The following RFC3 variants were observed in gnomAD, a reference collection of about 807,000 sequenced individuals.
RFC3 encodes the protein A1 38 kDa subunit.
A neutral mutation model predicts 45.1 loss-of-function variants in RFC3; 41 were observed. The observed-to-expected ratio is 0.91, with a 90% CI of 0.71 to 1.18. RFC3 has a LOEUF of 1.18. RFC3 is among the 50% of genes most tolerant of loss of function. The pLI, the probability that RFC3 is intolerant of heterozygous loss-of-function variation, is 0.00. For missense variants in RFC3, 423 were observed against 428.1 expected (o/e 0.99, Z 0.10); for synonymous variants, 149 against 144.0 (o/e 1.03, Z -0.25).
downstream of RFC3, among the ~76,000 whole-genome samples, chr13:33,841,172 G>T (rs1440542430): frequency 6.6e-6 from 1 of 152,198 alleles, no homozygotes; most frequent in East Asian, 1.9e-4. Context: ...TCTAATGCCT[G>T]ATGATCTGAG....
chr13:33,932,040 A>G (rs376913513), intron 8 of RFC3, among the ~76,000 whole-genome samples: 20 of 152,210 alleles, frequency 1.3e-4, no homozygotes, highest in African/African-American at 4.6e-4. Flanking sequence ...GTGCTAGTTC[A>G]TTAATTCTAC....
At chr13:33,956,853 G>T (rs77725119) in intron 8 of RFC3, among the ~76,000 whole-genome samples, 1 of 152,174 alleles carries the variant, frequency 6.6e-6, no homozygotes, top group Non-Finnish European at 1.5e-5. Context: ...TGTTAGTTGC[G>T]AATAGGATAT....
intron 8 of RFC3, among the ~76,000 whole-genome samples, chr13:33,926,883 A>G (rs942395417): frequency 2.5e-4 from 38 of 150,948 alleles, no homozygotes; most frequent in African/African-American, 7.6e-4. Context: ...ATTAGGAAAT[A>G]ATGGCTCATT....
intron 8 of RFC3, among the ~76,000 whole-genome samples, chr13:33,880,738 G>A (rs947559639): frequency 1.3e-5 from 2 of 152,144 alleles, no homozygotes; most frequent in African/African-American, 4.8e-5. Flanking sequence ...GGAAAGGTGT[G>A]TGTATAGGTG....
downstream of RFC3, among the ~76,000 whole-genome samples, chr13:33,840,244 C>T (rs1022598469): frequency 1.3e-5 from 2 of 152,194 alleles, no homozygotes; most frequent in African/African-American, 4.8e-5. Context: ...GGTAGTGTTG[C>T]ATAAGTCACA....
At chr13:33,938,838 A>G (rs1027408872) in intron 8 of RFC3, among the ~76,000 whole-genome samples, 1 of 152,090 alleles carries the variant, frequency 6.6e-6, no homozygotes. Context: ...CTACAACAAA[A>G]CAGTTTTCCA....
intron 8 of RFC3, among the ~76,000 whole-genome samples, chr13:33,935,475 GT>G (rs1209967582): frequency 6.6e-6 from 1 of 152,152 alleles, no homozygotes; most frequent in African/African-American, 2.4e-5. Flanking sequence ...GAGTACAAGT[GT>G]TGGGCACAAT....
chr13:33,882,321 G>T (rs778181976), intron 8 of RFC3, among the ~76,000 whole-genome samples: 2 of 152,140 alleles, frequency 1.3e-5, no homozygotes, highest in Non-Finnish European at 2.9e-5. Context: ...TTTATCACAC[G>T]TGTAGATTCA....
At chr13:33,976,678 A>G in the RFC3 span, among the ~76,000 whole-genome samples, 2 of 152,182 alleles carry the variant, frequency 1.3e-5, no homozygotes, top group Non-Finnish European at 2.9e-5. Context: ...GTACCCCCAA[A>G]ATATGTACAA....
chr13:33,822,455 G>GA (rs1373668288), intron 2 of RFC3, among the ~76,000 whole-genome samples: 1 of 152,098 alleles, frequency 6.6e-6, no homozygotes, highest in African/African-American at 2.4e-5. Flanking sequence ...AAGTAATTAT[G>GA]AAAAAAGATT....
chr13:33,916,444 T>A (rs1385743590), intron 8 of RFC3, among the ~76,000 whole-genome samples: 1 of 152,168 alleles, frequency 6.6e-6, no homozygotes, highest in Non-Finnish European at 1.5e-5. Flanking sequence ...CAGAAACAGA[T>A]GTCTCAAAGA....
chr13:33,943,149 T>A (rs1380637374), intron 8 of RFC3, among the ~76,000 whole-genome samples: 1 of 152,158 alleles, frequency 6.6e-6, no homozygotes, highest in Non-Finnish European at 1.5e-5. Context: ...TCATTTTTCA[T>A]TGATGGGCAG....
At chr13:33,857,779 A>G (rs924533858) in intron 8 of RFC3, among the ~76,000 whole-genome samples, 1 of 152,180 alleles carries the variant, frequency 6.6e-6, no homozygotes, top group Non-Finnish European at 1.5e-5. Flanking sequence ...TCTGGGTACT[A>G]GGAATATAGA....
intron 4 of RFC3, among the ~76,000 whole-genome samples, chr13:33,828,082 GGATTGCAGT>G (rs1479413208): frequency 2.6e-5 from 4 of 151,944 alleles, no homozygotes; most frequent in Admixed American, 2.0e-4. Context: ...CAGGAGTTTG[GGATTGCAGT>G]GAGCCATGAT....
chr13:33,976,408 TGGG>T, the RFC3 span, among the ~76,000 whole-genome samples: 2 of 151,852 alleles, frequency 1.3e-5, no homozygotes, highest in Non-Finnish European at 2.9e-5. Flanking sequence ...TTATCAGAGG[TGGG>T]AAGGGAAGCC....
intron 2 of RFC3, among the ~76,000 whole-genome samples, chr13:33,823,479 A>G (rs2082022057): frequency 6.6e-6 from 1 of 152,172 alleles, no homozygotes; most frequent in Non-Finnish European, 1.5e-5. Context: ...GCCAAGATAT[A>G]TTAAGTAGGA....
intron 8 of RFC3, among the ~76,000 whole-genome samples, chr13:33,871,055 C>G (rs2082404280): frequency 6.6e-6 from 1 of 152,156 alleles, no homozygotes; most frequent in Non-Finnish European, 1.5e-5. Context: ...TATGGTAAAT[C>G]AAGGCCCAGA....
chr13:33,934,682 T>C (rs2082874980), intron 8 of RFC3, among the ~76,000 whole-genome samples: 1 of 152,204 alleles, frequency 6.6e-6, no homozygotes. Flanking sequence ...GCCTCTTGCC[T>C]AGCCCTGATT....
At chr13:33,874,952 T>C (rs906946509) in intron 8 of RFC3, among the ~76,000 whole-genome samples, 1 of 152,234 alleles carries the variant, frequency 6.6e-6, no homozygotes, top group South Asian at 2.1e-4. Context: ...TTTAATGTTA[T>C]CCAGTGCATG....
Sources: gnomAD v4.1 joint callset for allele counts (sites outside exome capture counted in the v4.1 genomes callset) on GRCh38, gnomAD v4.1.1 for gene constraint, MANE v1.5 for transcripts, NCBI Gene and HGNC (gene_info 2026-07-23, HGNC 2026-07-21) for gene names.